The following PGM3 variants were observed in gnomAD, a reference collection of about 807,000 sequenced individuals.
The protein encoded by PGM3 is phosphoacetylglucosamine mutase.
PGM3 carries 40 observed loss-of-function variants against 66.2 expected under a neutral mutation model. The observed-to-expected ratio is 0.60, with a 90% CI of 0.47 to 0.79. The LOEUF (loss-of-function observed/expected upper bound fraction) is 0.79. PGM3 is among the 30% of genes least tolerant of loss of function. The probability of loss-of-function intolerance (pLI) is 0.00; values close to 1 mark genes in which losing one functional copy is unlikely to be tolerated. For synonymous variants in PGM3, 191 were observed against 224.2 expected (o/e 0.85, Z 1.32); for missense variants, 537 against 643.4 (o/e 0.83, Z 1.79).
At chr6:83,174,521 C>T (rs1356411691) in intron 9 of PGM3, 34 bp from the exon 10 acceptor site, 1 of 1,191,982 alleles carries the variant, frequency 8.4e-7, no homozygotes. Context: ...AGTCTCAAAA[C>T]ACTATCCAAA....
At chr6:83,191,129 G>T in intron 1 of PGM3, 115 bp from the exon 2 acceptor site, 5 of 1,466,966 alleles carry the variant, frequency 3.4e-6, no homozygotes, top group Non-Finnish European at 4.6e-6. Flanking sequence ...CCTCCTCAAA[G>T]AACCCTATGT....
intron 11 of PGM3, among the ~76,000 whole-genome samples, 191 bp downstream of exon 11, chr6:83,171,746 C>CA (rs1787195611): frequency 6.6e-6 from 1 of 152,172 alleles, no homozygotes. Flanking sequence ...TTTGGCCTCC[C>CA]AAAGTGCTGG....
At chr6:83,176,909 CT>C (rs1787813482) in intron 8 of PGM3, among the ~76,000 whole-genome samples, 3 of 152,178 alleles carry the variant, frequency 2.0e-5, no homozygotes, top group Admixed American at 1.3e-4. Context: ...AACCCAATCC[CT>C]GTGAAAGGCA....
intron 3 of PGM3, among the ~76,000 whole-genome samples, 153 bp from the exon 4 acceptor site, chr6:83,187,228 G>A (rs188518265): frequency 6.6e-6 from 1 of 152,154 alleles, no homozygotes; most frequent in African/African-American, 2.4e-5. Flanking sequence ...AAGATAACTG[G>A]TAAATTATAA....
chr6:83,157,135 G>A (rs1026421211), downstream of PGM3: 6 of 1,585,920 alleles, frequency 3.8e-6, no homozygotes, highest in Non-Finnish European at 4.3e-6. Flanking sequence ...AAAGTTTTAT[G>A]TGATAAAGAT....
Position 83,167,387 on chromosome 6 carries a change from T to G in PGM3, c.*1847A>C. The G allele has an allele frequency of 1.0e-6, 1 of 984,666 alleles. No individual in the cohort carries two copies. Among genetic ancestry groups the G allele is most frequent in the Non-Finnish European group, 1.2e-6 (1 of 829,132 alleles). 61.0% of individuals were successfully genotyped at this position (984,666 alleles called of 1,614,324 possible). A position where few individuals can be genotyped will look rare whatever the true frequency, so the allele number is the denominator to read the frequency against. On this transcript the variant is annotated 3_prime_UTR_variant, in exon 13 of 13. Coordinates refer to ENST00000513973, the MANE Select transcript of PGM3 (RefSeq NM_015599.3). ...TTCACTTTGGACACTGCTACCATCA[T>G]GGCAAATTTAGGCCATTTAGATAAA...
In PGM3 at chr6:83,179,939, G is replaced by A; in HGVS notation, c.816C>T (p.Cys272=). The A allele has an allele frequency of 1.2e-6, 2 of 1,610,356 alleles. No individual in the cohort carries two copies. Among genetic ancestry groups the A allele is most frequent in the Non-Finnish European group, 1.7e-6 (2 of 1,177,890 alleles). Residue 272 remains cysteine, a synonymous_variant, in exon 7 of 13, where the codon TGC becomes TGT. Transcript: ENST00000513973. ...QGMEIKSNER[C]CSFDGDADRI... is the part of the protein sequence containing the mutation. The stretch of plus-strand genomic sequence containing the variant: ...TGTCTGCATCTCCATCAAAAGAACA[G>A]CATCTTTCATTGGACTTAATTTCCA...
intron 4 of PGM3, among the ~76,000 whole-genome samples, chr6:83,185,184 C>T (rs1490300818): frequency 6.6e-6 from 1 of 152,208 alleles, no homozygotes; most frequent in Non-Finnish European, 1.5e-5. Flanking sequence ...AGACACCACT[C>T]AGACCAATGC....
chr6:83,170,385 T>A lies in PGM3; in HGVS notation c.1459A>T (p.Lys487Ter), dbSNP rs199998117. The change falls in exon 12 of 13, where the codon AAG becomes TAG. Residue 487 changes from lysine to a stop codon, truncating the protein, a stop_gained. Coordinates refer to ENST00000513973, the MANE Select transcript of PGM3 (RefSeq NM_015599.3). LOFTEE classifies it high-confidence loss of function. Reference protein sequence around the residue: ...LQEAINDLVKKYKLSRAFVRP... With the variant: ...LQEAINDLVK The stretch of plus-strand genomic sequence containing the variant: ...ACAAAAGCTCGAGAAAGCTTGTACT[T>A]CTTCACCAGGTCATTGATTGCCTCC... 1 of 1,614,032 alleles carries A rather than the reference T, an allele frequency of 6.2e-7. No individual in the cohort carries two copies. Among genetic ancestry groups the A allele is most frequent in the Non-Finnish European group, 8.5e-7 (1 of 1,180,012 alleles).
chr6:83,191,064 A>G, intron 1 of PGM3, 50 bp from the exon 2 acceptor site: 1 of 1,567,892 alleles, frequency 6.4e-7, no homozygotes, highest in African/African-American at 1.3e-5. Context: ...ATTTCTTAAG[A>G]ACCATTTGCT....
chr6:83,191,292 C>A (rs1441932767), intron 1 of PGM3: 1 of 1,464,644 alleles, frequency 6.8e-7, no homozygotes. Flanking sequence ...CTATCCTGGA[C>A]GCCGGGCACA....
intron 3 of PGM3, among the ~76,000 whole-genome samples, chr6:83,188,159 C>A (rs1226349536): frequency 6.6e-6 from 1 of 152,088 alleles, no homozygotes; most frequent in Non-Finnish European, 1.5e-5. Context: ...AGCTGCAAAA[C>A]AGAACTATGT....
In PGM3 at chr6:83,167,928, A is replaced by G. The variant is rs1786216265; in HGVS notation, c.*1306T>C. Reference sequence around the variant, plus strand: ...GGAGCCAGGGCACTTGCTGCTCACCATCTGCACCGTGCGCAGTATGGAGCA... The same window carrying G: ...GGAGCCAGGGCACTTGCTGCTCACCGTCTGCACCGTGCGCAGTATGGAGCA... On this transcript the variant is annotated 3_prime_UTR_variant, in exon 13 of 13. Coordinates refer to ENST00000513973, the MANE Select transcript of PGM3 (RefSeq NM_015599.3). The G allele has an allele frequency of 6.2e-7, 1 of 1,614,084 alleles. No individual in the cohort carries two copies. The highest frequency in any genetic ancestry group is 1.3e-5 in the African/African-American group (1 of 74,938).
At chr6:83,151,498 C>A in the PGM3 span, 3 of 857,686 alleles carry the variant, frequency 3.5e-6, no homozygotes, top group Non-Finnish European at 5.3e-6. Flanking sequence ...GAAATCAAGA[C>A]CATTAAGCCG....
Position 83,166,541 on chromosome 6 carries a change from C to A in PGM3, c.*2693G>T. 4.6e-6 allele frequency: 3 copies of A among 655,820 alleles called. No homozygotes were observed. Among genetic ancestry groups the A allele is most frequent in the South Asian group, 1.8e-5 (1 of 55,224 alleles). 40.6% of individuals were successfully genotyped at this position (655,820 alleles called of 1,614,324 possible). A position where few individuals can be genotyped will look rare whatever the true frequency, so the allele number is the denominator to read the frequency against. ...TTCCATAGTCTAAAATAAATATAAACAGCAATAAGTCATTAGCAAAAAAAA... is the reference window on the plus strand; with the variant it reads ...TTCCATAGTCTAAAATAAATATAAAAAGCAATAAGTCATTAGCAAAAAAAA... On this transcript the variant is annotated 3_prime_UTR_variant, in exon 13 of 13. Coordinates refer to ENST00000513973, the MANE Select transcript of PGM3 (RefSeq NM_015599.3).
intron 3 of PGM3, 89 bp downstream of exon 3, chr6:83,188,525 C>G: frequency 9.2e-7 from 1 of 1,082,150 alleles, no homozygotes; most frequent in Admixed American, 2.1e-5. Flanking sequence ...CACTTTACTT[C>G]TTTCCATTTG....
intron 8 of PGM3, among the ~76,000 whole-genome samples, chr6:83,178,434 G>A (rs946151005): frequency 3.3e-5 from 5 of 152,006 alleles, no homozygotes; most frequent in African/African-American, 7.3e-5. Flanking sequence ...TCATTACAAA[G>A]GCACAGAGAA....
downstream of PGM3, chr6:83,159,927 C>A: frequency 6.2e-7 from 1 of 1,614,106 alleles, no homozygotes; most frequent in Non-Finnish European, 8.5e-7. Flanking sequence ...TTGGCTCTCG[C>A]ATTGCCCTCT....
chr6:83,186,350 C>A (rs921658247), intron 4 of PGM3, among the ~76,000 whole-genome samples: 1 of 152,156 alleles, frequency 6.6e-6, no homozygotes. Flanking sequence ...GTAAGCAGAG[C>A]TAGCCCTCAG....
Sources: allele counts gnomAD v4.1 joint callset (sites outside exome capture counted in the v4.1 genomes callset), GRCh38; gene constraint gnomAD v4.1.1; transcripts MANE v1.5; gene names NCBI Gene and HGNC (gene_info 2026-07-23, HGNC 2026-07-21).